Variants in PDGFRL observed in about 807,000 individuals in gnomAD.
PDGFRL encodes the protein platelet derived growth factor receptor like, also known as platelet-derived growth factor receptor-like protein.
Under a neutral mutation model 37.2 loss-of-function variants are expected in PDGFRL, and 46 were observed. The ratio of observed to expected loss-of-function variants is 1.24; its 90% confidence interval spans 0.98 to 1.58. The LOEUF (loss-of-function observed/expected upper bound fraction) is 1.58. PDGFRL is among the 40% of genes most tolerant of loss of function. The probability of loss-of-function intolerance (pLI) is 0.00; values close to 1 mark genes in which losing one functional copy is unlikely to be tolerated. For missense variants in PDGFRL, 692 were observed against 467.6 expected (o/e 1.48, Z -4.43); for synonymous variants, 251 against 184.3 (o/e 1.36, Z -2.93).
chr8:17,599,050 C>G (rs923253634), intron 2 of PDGFRL, among the ~76,000 whole-genome samples: 1 of 152,214 alleles, frequency 6.6e-6, no homozygotes, highest in African/African-American at 2.4e-5. Flanking sequence ...CCTATTGTTA[C>G]TTGACCTCAT....
chr8:17,584,860 T>G (rs1429923764), intron 1 of PDGFRL, among the ~76,000 whole-genome samples: 1 of 152,104 alleles, frequency 6.6e-6, no homozygotes. Context: ...AAAGCAAATC[T>G]ATTAAGAAAG....
chr8:17,641,678 C>T (rs941270711), intron 5 of PDGFRL, among the ~76,000 whole-genome samples: 3 of 152,172 alleles, frequency 2.0e-5, no homozygotes, highest in African/African-American at 4.8e-5. Context: ...GCTAAAATAA[C>T]AGCTCTGCTC....
chr8:17,631,821 T>G (rs1174621375), intron 4 of PDGFRL, among the ~76,000 whole-genome samples: 1 of 152,172 alleles, frequency 6.6e-6, no homozygotes, highest in Non-Finnish European at 1.5e-5. Context: ...TCACTCTTCT[T>G]GGTCAGCTCT....
intron 1 of PDGFRL, among the ~76,000 whole-genome samples, chr8:17,585,015 T>C (rs775356361): frequency 1.3e-5 from 2 of 152,206 alleles, no homozygotes; most frequent in African/African-American, 4.8e-5. Flanking sequence ...GGGAAATTCC[T>C]GGAACTGAGG....
chr8:17,592,450 C>G (rs906806504), intron 2 of PDGFRL, among the ~76,000 whole-genome samples: 3 of 152,170 alleles, frequency 2.0e-5, no homozygotes, highest in African/African-American at 7.2e-5. Context: ...TGTGGCTTCC[C>G]TGCTCACCAC....
intron 2 of PDGFRL, among the ~76,000 whole-genome samples, chr8:17,609,634 TAAAAAAAAAAAAAA>T (rs3040922): frequency 9.2e-5 from 4 of 43,544 alleles, no homozygotes; most frequent in South Asian, 1.2e-3. Flanking sequence ...TGAGACTCTG[TAAAAAAAAAAAAAA>T]AAAAAAAAAA....
At chr8:17,609,619 CAG>C (rs1410177401) in intron 2 of PDGFRL, among the ~76,000 whole-genome samples, 1 of 107,700 alleles carries the variant, frequency 9.3e-6, no homozygotes, top group Non-Finnish European at 1.7e-5. Context: ...GCCTGGGTGA[CAG>C]AGTGAGACTC....
At chr8:17,621,979 G>C (rs528470151) in intron 3 of PDGFRL, among the ~76,000 whole-genome samples, 1 of 152,244 alleles carries the variant, frequency 6.6e-6, no homozygotes, top group East Asian at 1.9e-4. Context: ...AGCCCTGTTT[G>C]TTCTTGTGAA....
chr8:17,618,266 A>C (rs2283103), intron 2 of PDGFRL, among the ~76,000 whole-genome samples: 2 of 151,936 alleles, frequency 1.3e-5, no homozygotes, highest in Admixed American at 6.6e-5. Flanking sequence ...ATGTTGCCCA[A>C]TCTGGTCATG....
chr8:17,612,556 A>C (rs60120001), intron 2 of PDGFRL, among the ~76,000 whole-genome samples: 4,174 of 152,152 alleles, frequency 0.027, 76 homozygotes, highest in East Asian at 0.089. Context: ...TTTTTAGTAG[A>C]TATGTGGTTT....
intron 5 of PDGFRL, among the ~76,000 whole-genome samples, chr8:17,636,865 T>A (rs191110731): frequency 1.4e-4 from 21 of 152,276 alleles, no homozygotes; most frequent in Non-Finnish European, 2.9e-4. Context: ...GTATATATAT[T>A]TTTTGCAGCT....
chr8:17,624,094 T>C (rs1804687628), intron 3 of PDGFRL, among the ~76,000 whole-genome samples: 1 of 152,062 alleles, frequency 6.6e-6, no homozygotes, highest in African/African-American at 2.4e-5. Context: ...AGGAGTCCAG[T>C]TGGATTTTTA....
chr8:17,592,111 T>C (rs1201941698), intron 2 of PDGFRL, among the ~76,000 whole-genome samples: 1 of 152,148 alleles, frequency 6.6e-6, no homozygotes, highest in Non-Finnish European at 1.5e-5. Flanking sequence ...ACTCTCCACA[T>C]CCCATCGGTC....
chr8:17,601,021 A>C (rs571383269), intron 2 of PDGFRL, among the ~76,000 whole-genome samples: 67 of 152,214 alleles, frequency 4.4e-4, no homozygotes, highest in African/African-American at 1.6e-3. Flanking sequence ...ATCTTTCTCC[A>C]CACCTGGTCA....
chr8:17,581,868 G>T (rs563752261), intron 1 of PDGFRL, among the ~76,000 whole-genome samples: 18 of 152,210 alleles, frequency 1.2e-4, no homozygotes, highest in African/African-American at 4.1e-4. Flanking sequence ...AATGCGAAAT[G>T]AACTAACACA....
At chr8:17,634,624 A>G (rs1457271506) in intron 5 of PDGFRL, among the ~76,000 whole-genome samples, 1 of 152,204 alleles carries the variant, frequency 6.6e-6, no homozygotes, top group Non-Finnish European at 1.5e-5. Flanking sequence ...TACACCAAAG[A>G]ATACTATGCA....
chr8:17,632,825 A>G (rs1299088384), intron 4 of PDGFRL, among the ~76,000 whole-genome samples: 3 of 151,976 alleles, frequency 2.0e-5, no homozygotes, highest in Admixed American at 1.3e-4. Flanking sequence ...CAGGGCCATG[A>G]ACATGGGCAT....
intron 1 of PDGFRL, among the ~76,000 whole-genome samples, chr8:17,585,793 A>T (rs1803802307): frequency 6.6e-6 from 1 of 152,192 alleles, no homozygotes; most frequent in African/African-American, 2.4e-5. Context: ...CTCCTCCAAC[A>T]CAGTTCTATT....
chr8:17,637,343 G>A (rs1241594991), intron 5 of PDGFRL, among the ~76,000 whole-genome samples: 1 of 152,156 alleles, frequency 6.6e-6, no homozygotes, highest in Non-Finnish European at 1.5e-5. Context: ...AGATGATCAT[G>A]TGATTTTTTG....
Sources: gnomAD v4.1 joint callset for allele counts (sites outside exome capture counted in the v4.1 genomes callset) on GRCh38, gnomAD v4.1.1 for gene constraint, MANE v1.5 for transcripts, NCBI Gene and HGNC (gene_info 2026-07-23, HGNC 2026-07-21) for gene names.